CFAP54: variants seen among roughly 807,000 people sequenced by gnomAD.
CFAP54 encodes the protein cilia- and flagella-associated protein 54.
A neutral mutation model predicts 370.4 loss-of-function variants in CFAP54; 290 were observed. That is an observed-to-expected ratio of 0.78 (90% confidence interval 0.71 to 0.86). CFAP54 has a LOEUF of 0.86. Among genes scored for constraint, CFAP54 ranks in the 40% least tolerant of loss-of-function variants. The pLI, the probability that CFAP54 is intolerant of heterozygous loss-of-function variation, is 0.00. For synonymous variants in CFAP54, 1,206 were observed against 1,236.5 expected (o/e 0.98, Z 0.52); for missense variants, 3,399 against 3,528.7 (o/e 0.96, Z 0.93).
chr12:96,825,595 T>C (rs1340622157), intron 65 of CFAP54, among the ~76,000 whole-genome samples: 1 of 119,916 alleles, frequency 8.3e-6, no homozygotes, highest in African/African-American at 3.4e-5. Flanking sequence ...TATACATATA[T>C]TATTTACATA....
At chr12:96,817,039 A>G (rs1328495118) in intron 64 of CFAP54, among the ~76,000 whole-genome samples, 1 of 152,214 alleles carries the variant, frequency 6.6e-6, no homozygotes, top group Non-Finnish European at 1.5e-5. Context: ...CTGACCTTCT[A>G]GAGTCATTGC....
intron 22 of CFAP54, among the ~76,000 whole-genome samples, chr12:96,586,054 A>C (rs1037567340): frequency 2.0e-5 from 3 of 152,172 alleles, no homozygotes; most frequent in African/African-American, 7.2e-5. Flanking sequence ...TCAGGAAAAG[A>C]GGATTTTTAA....
chr12:96,662,690 G>A (rs1428571342), intron 38 of CFAP54, among the ~76,000 whole-genome samples: 1 of 151,918 alleles, frequency 6.6e-6, no homozygotes, highest in African/African-American at 2.4e-5. Flanking sequence ...AGTAACTCCT[G>A]TCCTATTACT....
chr12:96,806,190 A>AT (rs1490595366), intron 63 of CFAP54, among the ~76,000 whole-genome samples: 2 of 88,380 alleles, frequency 2.3e-5, no homozygotes, highest in Non-Finnish European at 4.9e-5. Context: ...ATATATATAT[A>AT]TATATATATA....
At chr12:96,763,847 A>G (rs1201337030) in intron 58 of CFAP54, among the ~76,000 whole-genome samples, 1 of 152,194 alleles carries the variant, frequency 6.6e-6, no homozygotes, top group Non-Finnish European at 1.5e-5. Context: ...AGAAAATTAG[A>G]AAAAAATGAT....
intron 66 of CFAP54, among the ~76,000 whole-genome samples, chr12:96,853,325 A>C (rs1242602828): frequency 6.6e-6 from 1 of 152,150 alleles, no homozygotes; most frequent in Non-Finnish European, 1.5e-5. Flanking sequence ...ATATTGCAAG[A>C]TTCTATTCAT....
chr12:96,647,240 G>C (rs573416041), intron 33 of CFAP54: 1 of 152,038 alleles, frequency 6.6e-6, no homozygotes, highest in East Asian at 1.9e-4. Flanking sequence ...TTGGGAGGCC[G>C]AGGTGGGCGG....
chr12:96,512,503 C>A (rs551668193), intron 4 of CFAP54, among the ~76,000 whole-genome samples: 1 of 151,538 alleles, frequency 6.6e-6, no homozygotes, highest in Non-Finnish European at 1.5e-5. Flanking sequence ...CCACCACGCC[C>A]GGCTAATTTT....
At chr12:96,707,263 AT>A (rs35124690) in intron 47 of CFAP54, among the ~76,000 whole-genome samples, 5,383 of 151,026 alleles carry the variant, frequency 0.036, 327 homozygotes, top group African/African-American at 0.12. Context: ...TTTAACTTGA[AT>A]TTTTTTTTTC....
chr12:96,875,150 TGAC>T lies in CFAP54; in HGVS notation c.*48_*50del, dbSNP rs1162203201. On this transcript the variant is annotated 3_prime_UTR_variant, in exon 68 of 68. Transcript: ENST00000524981. Reference sequence around the variant, plus strand: ...AAAACTGAGAAATAAATCAAGAGTATGACAACAGACTGAGGAATTTTTCAGCAA... The same window carrying T: ...AAAACTGAGAAATAAATCAAGAGTATAACAGACTGAGGAATTTTTCAGCAA... 6.6e-6 allele frequency: 1 copy of T among 152,176 alleles called. No individual in the cohort carries two copies. Among genetic ancestry groups the T allele is most frequent in the East Asian group, 1.9e-4 (1 of 5,198 alleles). The allele number at this position is 152,176 out of a possible 1,614,324, so 9.4% of individuals were successfully genotyped here. A position where few individuals can be genotyped will look rare whatever the true frequency, so the allele number is the denominator to read the frequency against.
chr12:96,828,291 C>G (rs974884216), intron 65 of CFAP54, among the ~76,000 whole-genome samples: 1 of 151,290 alleles, frequency 6.6e-6, no homozygotes, highest in South Asian at 2.1e-4. Flanking sequence ...CATGCATAGA[C>G]AAAGACTGGA....
chr12:96,736,212 G>T (rs777105459), intron 50 of CFAP54, among the ~76,000 whole-genome samples: 1 of 152,136 alleles, frequency 6.6e-6, no homozygotes, highest in African/African-American at 2.4e-5. Flanking sequence ...GAATCACCTC[G>T]TTCCATCTTC....
At chr12:96,693,280 A>C (rs1957405191) in intron 44 of CFAP54, among the ~76,000 whole-genome samples, 2 of 152,220 alleles carry the variant, frequency 1.3e-5, no homozygotes, top group Admixed American at 1.3e-4. Context: ...CTGGCATTGA[A>C]ATGAATAAGT....
rs1565984954 is a variant in CFAP54 at position 96,806,210 on chromosome 12, AT to A, written c.8851-5525del. On this transcript the variant is annotated intron_variant, in intron 63 of 67. Coordinates refer to ENST00000524981, the MANE Select transcript of CFAP54 (RefSeq NM_001306084.2). The stretch of plus-strand genomic sequence containing the variant: ...TATATATATATATATATATATATAT[AT>A]ATAATAACAACATAAAAAGAAAGTT... 4.6e-3 allele frequency among the ~76,000 whole-genome samples: 388 copies of A among 84,840 alleles called. 22 individuals are homozygous for A. Among genetic ancestry groups the A allele is most frequent in the East Asian group, 0.011 (32 of 2,876 alleles). 55.7% of individuals were successfully genotyped at this position (84,840 alleles called of 152,430 possible).
At chr12:96,649,764 T>C in intron 34 of CFAP54, 127 bp from the exon 35 acceptor site, 3 of 606,012 alleles carry the variant, frequency 5.0e-6, no homozygotes, top group Non-Finnish European at 2.7e-6. Context: ...CTGATAGTCT[T>C]GTCCTTTCTC....
intron 66 of CFAP54, among the ~76,000 whole-genome samples, chr12:96,840,641 T>TC (rs398020739): frequency 1.0e-3 from 149 of 148,354 alleles, no homozygotes; most frequent in African/African-American, 3.4e-3. Flanking sequence ...TTTTTTTTTT[T>TC]ACAAACCAAG....
chr12:96,511,702 T>C (rs1376919539), intron 4 of CFAP54, among the ~76,000 whole-genome samples: 5 of 152,212 alleles, frequency 3.3e-5, no homozygotes, highest in African/African-American at 4.8e-5. Context: ...CAGGCTGGTC[T>C]CGAATTCCTG....
intron 8 of CFAP54, among the ~76,000 whole-genome samples, chr12:96,526,885 GTTTTTTTT>G (rs34080505): frequency 6.1e-5 from 6 of 97,688 alleles, no homozygotes; most frequent in Non-Finnish European, 1.2e-4. Context: ...CTTATAACAG[GTTTTTTTT>G]TTTTTTTTTT....
chr12:96,827,896 A>ATACATAGTAATATATTATATTATATATAG (rs1312375414), intron 65 of CFAP54, among the ~76,000 whole-genome samples: 55 of 113,862 alleles, frequency 4.8e-4, no homozygotes, highest in African/African-American at 1.8e-3. Context: ...ATAATATATA[A>ATACATAGTAATATATTATATTATATATAG]TTATATATAA....
Sources: allele counts gnomAD v4.1 joint callset (sites outside exome capture counted in the v4.1 genomes callset), GRCh38; gene constraint gnomAD v4.1.1; transcripts MANE v1.5; gene names NCBI Gene and HGNC (gene_info 2026-07-23, HGNC 2026-07-21).